EPM2AIP1: variants seen among roughly 807,000 people sequenced by gnomAD.
EPM2AIP1 encodes EPM2A interacting protein 1, also known as EPM2A-interacting protein 1.
EPM2AIP1 carries 23 observed loss-of-function variants against 44.8 expected under a neutral mutation model. The ratio of observed to expected loss-of-function variants is 0.51; its 90% confidence interval spans 0.37 to 0.73. The LOEUF (loss-of-function observed/expected upper bound fraction) is 0.73. EPM2AIP1 is among the 30% of genes least tolerant of loss of function. The pLI is 0.00. For missense variants in EPM2AIP1, 652 were observed against 743.9 expected (o/e 0.88, Z 1.44); for synonymous variants, 311 against 284.3 (o/e 1.09, Z -0.94).
rs1166534143 is a variant in EPM2AIP1, at chr3:36,988,061, CCTAAT to C, written c.*3188_*3192del. ...GTATAGGGAATGGATAGTAAGGGCA[CCTAAT>C]CTAGAGGGCATCAATGAAGGTTTCC... On this transcript the variant is annotated 3_prime_UTR_variant, in exon 1 of 1. Coordinates refer to ENST00000322716, the MANE Select transcript of EPM2AIP1 (RefSeq NM_014805.4). 3 of 152,024 alleles carry C rather than the reference CCTAAT, an allele frequency of 2.0e-5. No individual in the cohort carries two copies. The highest frequency in any genetic ancestry group is 1.3e-4 in the Admixed American group (2 of 15,264). The allele number at this position is 152,024 out of a possible 1,614,324, so 9.4% of individuals were successfully genotyped here. A position where few individuals can be genotyped will look rare whatever the true frequency, so the allele number is the denominator to read the frequency against.
Position 36,992,506 on chromosome 3 carries a change from A to G in EPM2AIP1, c.572T>C (p.Leu191Pro). The part of the protein sequence containing the change: ...DQAFVAYENY[L>P]LVFIRGVGPE... Reference sequence around the variant, plus strand: ...GCCTACACCGCGGATAAAGACCAGGAGGTAGTTCTCATAGGCCACAAAAGC... The same window carrying G: ...GCCTACACCGCGGATAAAGACCAGGGGGTAGTTCTCATAGGCCACAAAAGC... The change falls in exon 1 of 1, where the codon CTC becomes CCC. Residue 191 changes from leucine (L) to proline (P), a missense_variant. Physicochemically the swap from Leu to Pro is moderately conservative, Grantham distance 98. Transcript: ENST00000322716. The surrounding 1 kb of genome is among the most constrained non-coding windows in gnomAD (Gnocchi z 5.3). 1 of 1,613,962 alleles carries G rather than the reference A, an allele frequency of 6.2e-7. No homozygotes were observed. The highest frequency in any genetic ancestry group is 8.5e-7 in the Non-Finnish European group (1 of 1,179,866).
At position 36,989,572 on chromosome 3, in the gene EPM2AIP1, T is replaced by G. The variant is rs374319518; in HGVS notation, c.*1682A>C. The G allele has an allele frequency of 4.6e-5, 7 of 152,046 alleles. No homozygotes were observed. In the East Asian group the frequency reaches 1.4e-3, roughly 29 times the overall value. 9.4% of individuals were successfully genotyped at this position (152,046 alleles called of 1,614,324 possible). ...TTAGTCTCTCCTATCTAGTATTCTG[T>G]CAGTTTGCCCAGCTTGTACTTTTAA... On this transcript the variant is annotated 3_prime_UTR_variant, in exon 1 of 1. Transcript: ENST00000322716.
chr3:36,990,291 CAA>C lies in EPM2AIP1; in HGVS notation c.*961_*962del. ...AATCTGATACTGTATCATTTTAAAACAAAGTGTTTACTTTAGGCAGGATTTTT... is the reference window on the plus strand; with the variant it reads ...AATCTGATACTGTATCATTTTAAAACAGTGTTTACTTTAGGCAGGATTTTT... On this transcript the variant is annotated 3_prime_UTR_variant, in exon 1 of 1. Transcript: ENST00000322716. The C allele has an allele frequency of 1.1e-5, 4 of 375,098 alleles. No homozygotes were observed. Among genetic ancestry groups the C allele is most frequent in the Non-Finnish European group, 1.1e-5 (3 of 272,164 alleles). The allele number at this position is 375,098 out of a possible 1,614,324, so 23.2% of individuals were successfully genotyped here.
At position 36,991,326 on chromosome 3, in the gene EPM2AIP1, A is replaced by G. The variant is rs1048185916; in HGVS notation, c.1752T>C (p.Phe584=). 1.9e-6 allele frequency: 3 copies of G among 1,614,032 alleles called. No homozygotes were observed. In the Admixed American group the frequency reaches 5.0e-5, roughly 27 times the overall value. ...GCTCCATTTCAGTTGTGGCAACCCGAAACAGGGCTTGGAGATGCTCATCTG... is the reference window on the plus strand; with the variant it reads ...GCTCCATTTCAGTTGTGGCAACCCGGAACAGGGCTTGGAGATGCTCATCTG... The part of the protein sequence containing the change: ...PLTDEHLQAL[F]RVATTEMEPG... The change falls in exon 1 of 1, where the codon TTT becomes TTC. Residue 584 remains phenylalanine, a synonymous_variant. Coordinates refer to ENST00000322716, the MANE Select transcript of EPM2AIP1 (RefSeq NM_014805.4).
Position 36,990,839 on chromosome 3 carries a change from G to C in EPM2AIP1, c.*415C>G. On this transcript the variant is annotated 3_prime_UTR_variant, in exon 1 of 1. Transcript: ENST00000322716. ...CTTGCTATGTGAGCTTCTGCAAATT[G>C]GTTCAAAAGCACATTTAAGGAGTTG... 1.0e-6 allele frequency: 1 copy of C among 985,954 alleles called. No individual in the cohort carries two copies. The highest frequency in any genetic ancestry group is 1.2e-6 in the Non-Finnish European group (1 of 830,088). The allele number at this position is 985,954 out of a possible 1,614,324, so 61.1% of individuals were successfully genotyped here.
Position 36,990,789 on chromosome 3 carries a change from G to C in EPM2AIP1, c.*465C>G. 2 of 985,938 alleles carry C rather than the reference G, an allele frequency of 2.0e-6. No homozygotes were observed. The highest frequency in any genetic ancestry group is 9.4e-5 in the South Asian group (2 of 21,326). The allele number at this position is 985,938 out of a possible 1,614,324, so 61.1% of individuals were successfully genotyped here. A position where few individuals can be genotyped will look rare whatever the true frequency, so the allele number is the denominator to read the frequency against. ...CAAAACACCTCCACTGTTATGTATGGGCTTCCTTTTTGGAAACTTATGAAC... is the reference window on the plus strand; with the variant it reads ...CAAAACACCTCCACTGTTATGTATGCGCTTCCTTTTTGGAAACTTATGAAC... On this transcript the variant is annotated 3_prime_UTR_variant, in exon 1 of 1. Transcript: ENST00000322716.
Position 36,991,917 on chromosome 3 carries a change from A to G in EPM2AIP1, c.1161T>C (p.Ile387=). Residue 387 remains isoleucine (I), a synonymous_variant, in exon 1 of 1, where the codon ATT becomes ATC. Transcript: ENST00000322716. The stretch of plus-strand genomic sequence containing the variant: ...CACTGAGTTCTCGAAGGTGTTCCAT[A>G]ATGTCCACCAAGAAGCCAAAGTCAC... ...WLCDFGFLVD[I]MEHLRELSEE... 2 of 1,613,988 alleles carry G rather than the reference A, an allele frequency of 1.2e-6. No homozygotes were observed. Among genetic ancestry groups the G allele is most frequent in the East Asian group, 2.2e-5 (1 of 44,884 alleles).
In EPM2AIP1 at chr3:36,991,338, G is replaced by C. The variant is rs1318228052; in HGVS notation, c.1740C>G (p.Leu580=). The change falls in exon 1 of 1, where the codon CTC becomes CTG. Residue 580 remains leucine, a synonymous_variant. Coordinates refer to ENST00000322716, the MANE Select transcript of EPM2AIP1 (RefSeq NM_014805.4). ...TTGTGGCAACCCGAAACAGGGCTTGGAGATGCTCATCTGTTAATGGCTGAC... is the reference window on the plus strand; with the variant it reads ...TTGTGGCAACCCGAAACAGGGCTTGCAGATGCTCATCTGTTAATGGCTGAC... ...TLSQPLTDEH[L]QALFRVATTE... The C allele has an allele frequency of 6.2e-7, 1 of 1,614,010 alleles. No homozygotes were observed. The highest frequency in any genetic ancestry group is 8.5e-7 in the Non-Finnish European group (1 of 1,179,886).
In EPM2AIP1 at chr3:36,987,429, T is replaced by TA. The variant is rs10575530; in HGVS notation, c.*3824dup. ...CTATATGTAGGTTCCTTTGGAAATT[T>TA]AAAAAAAAAAAAAAAATATATATAT... On this transcript the variant is annotated 3_prime_UTR_variant, in exon 1 of 1. Transcript: ENST00000322716. 2 of 141,714 alleles carry TA rather than the reference T, an allele frequency of 1.4e-5. No homozygotes were observed. Among genetic ancestry groups the TA allele is most frequent in the Admixed American group, 7.1e-5 (1 of 14,126 alleles). The allele number at this position is 141,714 out of a possible 1,614,324, so 8.8% of individuals were successfully genotyped here. A position where few individuals can be genotyped will look rare whatever the true frequency, so the allele number is the denominator to read the frequency against.
rs1559498031 is a variant in EPM2AIP1 at position 36,992,826 on chromosome 3, G to A, written c.252C>T (p.Gly84=). 1 of 1,611,830 alleles carries A rather than the reference G, an allele frequency of 6.2e-7. No individual in the cohort carries two copies. The highest frequency in any genetic ancestry group is 1.1e-5 in the South Asian group (1 of 91,078). ...GAGTGAAGGAGGCCACGGGCAAGTC[G>A]CCCTGACGCAGACGCTCCACCAGGG... is the stretch of plus-strand genomic sequence containing the variant. ...RAALVERLRQ[G]DLPVASFTPE... Residue 84 remains glycine (G), a synonymous_variant, in exon 1 of 1, where the codon GGC becomes GGT. Coordinates refer to ENST00000322716, the MANE Select transcript of EPM2AIP1 (RefSeq NM_014805.4). This position sits in a 1 kb window ranked among gnomAD's most constrained non-coding sequence, Gnocchi z 5.3.
chr3:36,987,644 ATTTG>A lies in EPM2AIP1; in HGVS notation c.*3606_*3609del, dbSNP rs1291739494. On this transcript the variant is annotated 3_prime_UTR_variant, in exon 1 of 1. Transcript: ENST00000322716. ...CTTTCATACAACAGAGAAAACCACA[ATTTG>A]TTTAACAGTCACATAATACATATTT... 6.6e-6 allele frequency: 1 copy of A among 152,144 alleles called. No homozygotes were observed. The highest frequency in any genetic ancestry group is 1.5e-5 in the Non-Finnish European group (1 of 68,008). 9.4% of individuals were successfully genotyped at this position (152,144 alleles called of 1,614,324 possible).
At position 36,986,042 on chromosome 3, in the gene EPM2AIP1, A is replaced by C. The variant is rs908855071; in HGVS notation, c.*5212T>G. The C allele has an allele frequency of 6.6e-6, 1 of 152,238 alleles. No individual in the cohort carries two copies. Among genetic ancestry groups the C allele is most frequent in the African/African-American group, 2.4e-5 (1 of 41,462 alleles). The allele number at this position is 152,238 out of a possible 1,614,324, so 9.4% of individuals were successfully genotyped here. ...TTGTTATTCAATGGCAAGCTAGCCCATGCTGACACAGAAATTGGTCCCTTG... is the reference window on the plus strand; with the variant it reads ...TTGTTATTCAATGGCAAGCTAGCCCCTGCTGACACAGAAATTGGTCCCTTG... On this transcript the variant is annotated 3_prime_UTR_variant, in exon 1 of 1. Coordinates refer to ENST00000322716, the MANE Select transcript of EPM2AIP1 (RefSeq NM_014805.4).
chr3:36,991,285 A>G lies in EPM2AIP1; in HGVS notation c.1793T>C (p.Leu598Pro). The G allele has an allele frequency of 1.2e-6, 2 of 1,612,980 alleles. No individual in the cohort carries two copies. The highest frequency in any genetic ancestry group is 1.7e-6 in the Non-Finnish European group (2 of 1,179,116). ...TTEMEPGWDD[L>P]VRERNESNP Reference sequence around the variant, plus strand: ...ATTAGATTCATTTCTTTCTCTCACAAGGTCATCCCAACCGGGCTCCATTTC... The same window carrying G: ...ATTAGATTCATTTCTTTCTCTCACAGGGTCATCCCAACCGGGCTCCATTTC... Residue 598 changes from leucine to proline, a missense_variant, in exon 1 of 1, where the codon CTT becomes CCT. By Grantham distance (98) the Leu-to-Pro change is moderately conservative (BLOSUM62 -3). Coordinates refer to ENST00000322716, the MANE Select transcript of EPM2AIP1 (RefSeq NM_014805.4).
Position 36,992,141 on chromosome 3 carries a change from C to G in EPM2AIP1, c.937G>C (p.Val313Leu). 1 of 1,614,034 alleles carries G rather than the reference C, an allele frequency of 6.2e-7. No homozygotes were observed. Among genetic ancestry groups the G allele is most frequent in the Non-Finnish European group, 8.5e-7 (1 of 1,179,896 alleles). ...AAAGTCTGAAATTCAGGTCGCCTAA[C>G]GCCTCTGGTCTTAATCAAAACTATC... ...EWIVLIKTRG[V>L]RRPEFQTLLT... The change falls in exon 1 of 1, where the codon GTT becomes CTT. Residue 313 changes from valine to leucine, a missense_variant. Transcript: ENST00000322716. The surrounding 1 kb of genome is among the most constrained non-coding windows in gnomAD (Gnocchi z 5.3).
Position 36,992,930 on chromosome 3 carries a change from G to C in EPM2AIP1, c.148C>G (p.Arg50Gly). The C allele has an allele frequency of 1.2e-6, 2 of 1,612,684 alleles. No individual in the cohort carries two copies. The highest frequency in any genetic ancestry group is 1.7e-6 in the Non-Finnish European group (2 of 1,179,890). Residue 50 changes from arginine to glycine, a missense_variant, in exon 1 of 1, where the codon CGC becomes GGC. Arg to Gly is a moderately radical substitution (Grantham distance 125). Transcript: ENST00000322716. This position sits in a 1 kb window ranked among gnomAD's most constrained non-coding sequence, Gnocchi z 5.3. ...LVCRRLIVAT[R>G]ERDVRRHYEA... Reference sequence around the variant, plus strand: ...TAGTGGCGCCTGACGTCGCGTTCGCGGGTAGCTACGATGAGGCGGCGACAG... The same window carrying C: ...TAGTGGCGCCTGACGTCGCGTTCGCCGGTAGCTACGATGAGGCGGCGACAG...
In EPM2AIP1 at chr3:36,991,133, T is replaced by C; in HGVS notation, c.*121A>G. The stretch of plus-strand genomic sequence containing the variant: ...CTGTCAGAATTTTAATTGTGATCAG[T>C]TTGGACGGCTGGTACTTGGTACTTT... On this transcript the variant is annotated 3_prime_UTR_variant, in exon 1 of 1. Coordinates refer to ENST00000322716, the MANE Select transcript of EPM2AIP1 (RefSeq NM_014805.4). 5 of 1,429,980 alleles carry C rather than the reference T, an allele frequency of 3.5e-6. No homozygotes were observed. The highest frequency in any genetic ancestry group is 4.6e-6 in the Non-Finnish European group (5 of 1,088,034). The allele number at this position is 1,429,980 out of a possible 1,614,324, so 88.6% of individuals were successfully genotyped here.
chr3:36,991,766 T>C lies in EPM2AIP1; in HGVS notation c.1312A>G (p.Arg438Gly), dbSNP rs757397915. The change falls in exon 1 of 1, where the codon AGA becomes GGA. Residue 438 changes from arginine to glycine, a missense_variant. By Grantham distance (125) the Arg-to-Gly change is moderately radical. Transcript: ENST00000322716. The stretch of plus-strand genomic sequence containing the variant: ...TGTTTTAGCTCATCAACAACTTCTC[T>C]GAGGGCAGGAAAGTCTGTTAGATTT... ...EKNLTDFPALREVVDELKQQN... is the reference protein window; with the variant it reads ...EKNLTDFPALGEVVDELKQQN... 6.8e-6 allele frequency: 11 copies of C among 1,613,756 alleles called. No homozygotes were observed. In the African/African-American group the frequency reaches 1.3e-4, roughly 20 times the overall value.
chr3:36,989,994 T>C lies in EPM2AIP1; in HGVS notation c.*1260A>G, dbSNP rs541767441. ...GGACTTTGGAACAAGAGTTTTTAAA[T>C]TGTATAATACTTGAGAGGATCTATG... On this transcript the variant is annotated 3_prime_UTR_variant, in exon 1 of 1. Transcript: ENST00000322716. 6.6e-6 allele frequency: 1 copy of C among 152,340 alleles called. No individual in the cohort carries two copies. The highest frequency in any genetic ancestry group is 2.1e-4 in the South Asian group (1 of 4,828). 9.4% of individuals were successfully genotyped at this position (152,340 alleles called of 1,614,324 possible). A position where few individuals can be genotyped will look rare whatever the true frequency, so the allele number is the denominator to read the frequency against.
chr3:36,991,657 TG>T lies in EPM2AIP1; in HGVS notation c.1420del (p.His474IlefsTer12), dbSNP rs761992366. ...TTTAATGAACCTGAGGTCCTTAAAA[TG>T]TCTCTCAAATTCTTTTTGGAGACGA... ...ICRLQKEFER[H>X]FKDLRFIKKD... On this transcript the variant is annotated frameshift_variant, in exon 1 of 1. Transcript: ENST00000322716. LOFTEE classifies it high-confidence loss of function. 6.2e-7 allele frequency: 1 copy of T among 1,612,828 alleles called. No individual in the cohort carries two copies. The highest frequency in any genetic ancestry group is 8.5e-7 in the Non-Finnish European group (1 of 1,179,572).
Sources: gnomAD v4.1 joint callset for allele counts on GRCh38, gnomAD v4.1.1 for gene constraint, Gnocchi (gnomAD v3.1) non-coding constraint, MANE v1.5 for transcripts, NCBI Gene and HGNC (gene_info 2026-07-23, HGNC 2026-07-21) for gene names.